The following HDAC1 variants were observed in gnomAD, a reference collection of about 807,000 sequenced individuals.
The protein encoded by HDAC1 is histone deacetylase 1, also known as protein deacetylase HDAC1.
In HDAC1, 18 loss-of-function variants were observed where a neutral mutation model predicts 65.5. The ratio of observed to expected loss-of-function variants is 0.27; its 90% CI spans 0.19 to 0.41. HDAC1 has a LOEUF of 0.41. Among genes scored for constraint, HDAC1 ranks in the 10% least tolerant of loss-of-function variants. The pLI, the probability that HDAC1 is intolerant of heterozygous loss-of-function variation, is 1.00. For missense variants in HDAC1, 373 were observed against 625.2 expected, an observed-to-expected ratio of 0.60 and a Z score of 4.30; for synonymous variants, 211 against 227.9, an observed-to-expected ratio of 0.93 and a Z score of 0.67.
rs757919630 is a variant in HDAC1 at position 32,327,747 on chromosome 1, T to C, written c.636+70T>C. The C allele has an allele frequency of 2.7e-6, 4 of 1,473,214 alleles. No individual in the cohort carries two copies. The highest frequency in any genetic ancestry group is 3.8e-6 in the Non-Finnish European group (4 of 1,054,436). 91.3% of individuals were successfully genotyped at this position (1,473,214 alleles called of 1,614,324 possible). The stretch of plus-strand genomic sequence containing the variant: ...AGCTCTACTTCTCTCTCCTATCTCA[T>C]GCCACTAAAAATTGCTTCTTGCCTC... On this transcript the variant is annotated intron_variant, in intron 6 of 13. Transcript: ENST00000373548. This position sits in a 1 kb window ranked among gnomAD's most constrained non-coding sequence, Gnocchi z 6.0.
rs1019391913 is a variant in HDAC1 at position 32,333,324 on chromosome 1, C to T, written c.*280C>T. ...CTTTTATGCAACCATAAGACAAACTCCTGAAATGCCAAGTGCCTGCTTAGT... is the reference window on the plus strand; with the variant it reads ...CTTTTATGCAACCATAAGACAAACTTCTGAAATGCCAAGTGCCTGCTTAGT... On this transcript the variant is annotated 3_prime_UTR_variant, in exon 14 of 14. Transcript: ENST00000373548. The T allele has an allele frequency of 3.6e-6, 1 of 275,340 alleles. No individual in the cohort carries two copies. The highest frequency in any genetic ancestry group is 2.2e-5 in the African/African-American group (1 of 44,904). The allele number at this position is 275,340 out of a possible 1,614,324, so 17.1% of individuals were successfully genotyped here.
rs1641275208 is a variant in HDAC1, at chr1:32,330,400, A to G, written c.730-178A>G. The G allele has an allele frequency of 3.3e-6, 2 of 609,262 alleles. No homozygotes were observed. The highest frequency in any genetic ancestry group is 1.8e-5 in the African/African-American group (1 of 54,294). 37.7% of individuals were successfully genotyped at this position (609,262 alleles called of 1,614,324 possible). A position where few individuals can be genotyped will look rare whatever the true frequency, so the allele number is the denominator to read the frequency against. ...CTTAGAGAACTTTTTAAATTGGAAA[A>G]TTGAAATCCCAAGTGGGCAAGCAAG... On this transcript the variant is annotated intron_variant, in intron 7 of 13. Transcript: ENST00000373548. The surrounding 1 kb of genome is among the most constrained non-coding windows in gnomAD (Gnocchi z 4.2).
chr1:32,297,235 G>C (rs1015230640), intron 1 of HDAC1, among the ~76,000 whole-genome samples: 1 of 152,102 alleles, frequency 6.6e-6, no homozygotes, highest in Non-Finnish European at 1.5e-5. Flanking sequence ...TGATAACATT[G>C]TCAGTTTAAA....
rs768748943 is a variant in HDAC1, at chr1:32,327,610, C to T, written c.569C>T (p.Thr190Met). The T allele has an allele frequency of 9.9e-6, 16 of 1,612,896 alleles. No individual in the cohort carries two copies. Among genetic ancestry groups the T allele is most frequent in the Admixed American group, 6.7e-5 (4 of 60,006 alleles). Residue 190 changes from threonine (T) to methionine (M), a missense_variant, in exon 6 of 14, where the codon ACG (threonine) becomes ATG (methionine). Thr to Met is a moderately conservative substitution (Grantham distance 81, BLOSUM62 -1). Coordinates refer to ENST00000373548, the MANE Select transcript of HDAC1 (RefSeq NM_004964.3). This position sits in a 1 kb window ranked among gnomAD's most constrained non-coding sequence, Gnocchi z 6.0. Reference sequence around the variant, plus strand: ...GGCGTGGAAGAGGCCTTCTACACCACGGACCGGGTCATGACTGTGTCCTTT... The same window carrying T: ...GGCGTGGAAGAGGCCTTCTACACCATGGACCGGGTCATGACTGTGTCCTTT... ...GDGVEEAFYTTDRVMTVSFHK... is the reference protein window; with the variant it reads ...GDGVEEAFYTMDRVMTVSFHK...
intron 13 of HDAC1, 112 bp downstream of exon 13, chr1:32,332,861 T>C: frequency 4.2e-6 from 5 of 1,199,560 alleles, no homozygotes; most frequent in Non-Finnish European, 6.0e-6. Flanking sequence ...CAAAGGCCTC[T>C]TTCAGGGACC....
At chr1:32,304,258 C>T (rs1557601538) in intron 2 of HDAC1, among the ~76,000 whole-genome samples, 1 of 152,134 alleles carries the variant, frequency 6.6e-6, no homozygotes, top group Non-Finnish European at 1.5e-5. Flanking sequence ...CTTGTCATGT[C>T]TCTGGAGCCA....
Position 32,330,902 on chromosome 1 carries a change from C to T in HDAC1, c.973C>T (p.Pro325Ser). ...ETAVALDTEI[P>S]NELPYNDYFE... Reference sequence around the variant, plus strand: ...AGCTGTGGCCCTGGATACGGAGATCCCTAATGGTAATAGCTGCAGGGCCAG... The same window carrying T: ...AGCTGTGGCCCTGGATACGGAGATCTCTAATGGTAATAGCTGCAGGGCCAG... The change falls in exon 9 of 14, where the codon CCT becomes TCT. Residue 325 changes from proline to serine, a missense_variant. Transcript: ENST00000373548. The surrounding 1 kb of genome is among the most constrained non-coding windows in gnomAD (Gnocchi z 4.2). 6.2e-7 allele frequency: 1 copy of T among 1,614,028 alleles called. No individual in the cohort carries two copies.
Position 32,303,565 on chromosome 1 carries a change from G to A in HDAC1, c.162+832G>A, listed in dbSNP as rs143821505. ...TCTCTAGTTATTAGAGAGTATAGAC[G>A]GTCTAACCTGTAGATTCAGCTACAG... On this transcript the variant is annotated intron_variant, in intron 2 of 13. Coordinates refer to ENST00000373548, the MANE Select transcript of HDAC1 (RefSeq NM_004964.3). Among the ~76,000 whole-genome samples the A allele has an allele frequency of 6.8e-3, 1,032 of 152,208 alleles. 15 individuals carry two copies. Among genetic ancestry groups the A allele is most frequent in the African/African-American group, 0.023 (964 of 41,508 alleles).
intron 1 of HDAC1, among the ~76,000 whole-genome samples, chr1:32,302,104 G>A (rs369194296): frequency 1.3e-5 from 2 of 152,306 alleles, no homozygotes; most frequent in South Asian, 2.1e-4. Flanking sequence ...GATTAAGCAT[G>A]TGATAAGTTT....
intron 1 of HDAC1, among the ~76,000 whole-genome samples, chr1:32,295,253 A>G (rs1282014750): frequency 6.6e-6 from 1 of 152,082 alleles, no homozygotes; most frequent in Non-Finnish European, 1.5e-5. Context: ...GTCTCTACAA[A>G]AAGTAAAAAA....
intron 3 of HDAC1, among the ~76,000 whole-genome samples, chr1:32,320,560 G>A (rs1220067793): frequency 6.6e-6 from 1 of 152,024 alleles, no homozygotes; most frequent in African/African-American, 2.4e-5. Context: ...TGGAACTCTA[G>A]TCCCCCAATT....
At position 32,302,932 on chromosome 1, in the gene HDAC1, G is replaced by T. The variant is rs183267706; in HGVS notation, c.162+199G>T. On this transcript the variant is annotated intron_variant, in intron 2 of 13. Transcript: ENST00000373548. Reference sequence around the variant, plus strand: ...CACGCCTGTAATCACAGCACTTCAGGAGGTGAAGGCAAGAGGATCACTTGA... The same window carrying T: ...CACGCCTGTAATCACAGCACTTCAGTAGGTGAAGGCAAGAGGATCACTTGA... Among the ~76,000 whole-genome samples the T allele has an allele frequency of 2.3e-3, 355 of 152,302 alleles. 5 individuals carry two copies. The highest frequency in any genetic ancestry group is 2.9e-3 in the Non-Finnish European group (194 of 68,026).
chr1:32,332,814 C>T (rs1641315214), intron 13 of HDAC1, 65 bp downstream of exon 13: 13 of 1,416,450 alleles, frequency 9.2e-6, no homozygotes, highest in Non-Finnish European at 1.3e-5. Flanking sequence ...TGTCCCACCA[C>T]TCTGAGGAAA....
In HDAC1 at chr1:32,329,111, C is replaced by T. The variant is rs758227477; in HGVS notation, c.680C>T (p.Pro227Leu). 2.5e-6 allele frequency: 4 copies of T among 1,612,858 alleles called. No individual in the cohort carries two copies. The highest frequency in any genetic ancestry group is 2.7e-5 in the African/African-American group (2 of 74,856). The change falls in exon 7 of 14, where the codon CCG (proline) becomes CTG (leucine). Residue 227 changes from proline (P) to leucine (L), a missense_variant. By Grantham distance (98) the Pro-to-Leu change is moderately conservative (BLOSUM62 -3). Around this residue, in one of 4 missense-constraint regions of HDAC1, gnomAD observed 62 missense variants for 180.0 expected, o/e 0.34. Coordinates refer to ENST00000373548, the MANE Select transcript of HDAC1 (RefSeq NM_004964.3). This position sits in a 1 kb window ranked among gnomAD's most constrained non-coding sequence, Gnocchi z 4.1. ...GKGKYYAVNY[P>L]LRDGIDDESY... ...GGCAAGTATTATGCTGTTAACTACC[C>T]GCTCCGAGACGGGATTGATGACGAG...
chr1:32,295,187 A>G (rs1569997085), intron 1 of HDAC1, among the ~76,000 whole-genome samples: 1 of 151,964 alleles, frequency 6.6e-6, no homozygotes, highest in African/African-American at 2.4e-5. Context: ...GCTGGGGCGG[A>G]TGGTTCTCTT....
At position 32,330,719 on chromosome 1, in the gene HDAC1, G is replaced by A. The variant is rs376404835; in HGVS notation, c.838+33G>A. On this transcript the variant is annotated intron_variant, in intron 8 of 13. Coordinates refer to ENST00000373548, the MANE Select transcript of HDAC1 (RefSeq NM_004964.3). This position sits in a 1 kb window ranked among gnomAD's most constrained non-coding sequence, Gnocchi z 4.2. Reference sequence around the variant, plus strand: ...CAGGTAGCACAAGGATGGGTGGGCGGGGTCCTGCTTGGTGCTCCTGTAACT... The same window carrying A: ...CAGGTAGCACAAGGATGGGTGGGCGAGGTCCTGCTTGGTGCTCCTGTAACT... 57 of 1,613,692 alleles carry A rather than the reference G, an allele frequency of 3.5e-5. No homozygotes were observed. The highest frequency in any genetic ancestry group is 5.0e-5 in the Admixed American group (3 of 59,996).
At chr1:32,316,219 G>C (rs1355787845) in intron 2 of HDAC1, among the ~76,000 whole-genome samples, 1 of 151,324 alleles carries the variant, frequency 6.6e-6, no homozygotes, top group Non-Finnish European at 1.5e-5. Context: ...GGGAGGCGGA[G>C]CTTGCAGTGA....
chr1:32,305,510 T>TC (rs1640898934), intron 2 of HDAC1, among the ~76,000 whole-genome samples: 1 of 152,216 alleles, frequency 6.6e-6, no homozygotes, highest in Non-Finnish European at 1.5e-5. Context: ...GTTGCTAATT[T>TC]AGGTAGACAT....
intron 4 of HDAC1, among the ~76,000 whole-genome samples, chr1:32,326,169 C>CT (rs1287403391): frequency 4.0e-5 from 6 of 150,462 alleles, no homozygotes; most frequent in South Asian, 2.1e-4. Flanking sequence ...TTTTCTTTTT[C>CT]TTTTTTTTTG....
Sources: gnomAD v4.1 joint callset for allele counts (sites outside exome capture counted in the v4.1 genomes callset) on GRCh38, gnomAD v4.1.1 for gene constraint, gnomAD v4.1.1 regional missense constraint, Gnocchi (gnomAD v3.1) non-coding constraint, MANE v1.5 for transcripts, NCBI Gene and HGNC (gene_info 2026-07-23, HGNC 2026-07-21) for gene names.